Variants in SLC35G2 observed in about 807,000 individuals in gnomAD.
SLC35G2 encodes solute carrier family 35 member G2.
SLC35G2 carries 20 observed loss-of-function variants against 27.2 expected under a neutral mutation model. That is an observed-to-expected ratio of 0.74 (90% CI 0.52 to 1.07). SLC35G2 has a LOEUF of 1.07. Ranked by LOEUF, SLC35G2 falls within the 50% of genes least tolerant of loss-of-function variation. SLC35G2 has a pLI of 0.00. For missense variants in SLC35G2, 416 were observed against 493.3 expected, an observed-to-expected ratio of 0.84 and a Z score of 1.48; for synonymous variants, 148 against 165.3, an observed-to-expected ratio of 0.90 and a Z score of 0.80.
At chr3:136,849,860 T>G (rs1332004850) in intron 1 of SLC35G2, among the ~76,000 whole-genome samples, 6 of 151,434 alleles carry the variant, frequency 4.0e-5, no homozygotes, top group Non-Finnish European at 1.5e-5. Context: ...ATCCCAGCAC[T>G]TCGGGAAGCC....
intron 1 of SLC35G2, among the ~76,000 whole-genome samples, chr3:136,852,170 C>G (rs987865100): frequency 1.3e-5 from 2 of 152,070 alleles, no homozygotes. Context: ...TTTGACATGT[C>G]CTGGCAAAAG....
Position 136,838,847 on chromosome 3 carries a change from T to A in SLC35G2, c.-18-15596T>A, listed in dbSNP as rs1393041480. Reference sequence around the variant, plus strand: ...AAACTCAGCTGGGCTGCTCTGATGATCTCTCAAGAGTTAGGTAAATTACAA... The same window carrying A: ...AAACTCAGCTGGGCTGCTCTGATGAACTCTCAAGAGTTAGGTAAATTACAA... On this transcript the variant is annotated intron_variant, in intron 1 of 1. Coordinates refer to ENST00000446465, the MANE Select transcript of SLC35G2 (RefSeq NM_025246.3). 1.3e-5 allele frequency: 2 copies of A among 152,224 alleles called. 1 individual carries two copies. The highest frequency in any genetic ancestry group is 4.8e-5 in the African/African-American group (2 of 41,448). 9.4% of individuals were successfully genotyped at this position (152,224 alleles called of 1,614,324 possible). A position where few individuals can be genotyped will look rare whatever the true frequency, so the allele number is the denominator to read the frequency against.
At chr3:136,850,725 G>C (rs1224649578) in intron 1 of SLC35G2, among the ~76,000 whole-genome samples, 2 of 152,134 alleles carry the variant, frequency 1.3e-5, no homozygotes, top group Non-Finnish European at 2.9e-5. Flanking sequence ...TGGGCGTGGT[G>C]GCTCACGCCT....
At chr3:136,843,112 A>G (rs9871987) in intron 1 of SLC35G2, 101,892 of 150,870 alleles carry the variant, frequency 0.68, 34,716 homozygotes, top group East Asian at 0.87. Flanking sequence ...TCATGAGGTC[A>G]GGAGATCAAG....
intron 1 of SLC35G2, among the ~76,000 whole-genome samples, chr3:136,840,208 G>A (rs1259598669): frequency 6.6e-6 from 1 of 152,134 alleles, no homozygotes; most frequent in Non-Finnish European, 1.5e-5. Context: ...CCCAAAATAA[G>A]GGTTCTCTTG....
At position 136,855,059 on chromosome 3, in the gene SLC35G2, C is replaced by T. The variant is rs1239313079; in HGVS notation, c.599C>T (p.Ala200Val). 1.9e-6 allele frequency: 3 copies of T among 1,614,168 alleles called. No homozygotes were observed. Among genetic ancestry groups the T allele is most frequent in the Non-Finnish European group, 2.5e-6 (3 of 1,180,036 alleles). ...AGCAATGGGACCACTATGTGGAGAGCCACAACTACAGTCTTCAGTGCCATT... is the reference window on the plus strand; with the variant it reads ...AGCAATGGGACCACTATGTGGAGAGTCACAACTACAGTCTTCAGTGCCATT... ...PPSNGTTMWR[A>V]TTTVFSAILA... The change falls in exon 2 of 2, where the codon GCC becomes GTC. Residue 200 changes from alanine (A) to valine (V), a missense_variant. Coordinates refer to ENST00000446465, the MANE Select transcript of SLC35G2 (RefSeq NM_025246.3).
At chr3:136,836,141 CA>C (rs1936859647) in intron 1 of SLC35G2, among the ~76,000 whole-genome samples, 1 of 152,064 alleles carries the variant, frequency 6.6e-6, no homozygotes, top group Admixed American at 6.6e-5. Flanking sequence ...CACACCCACA[CA>C]CACACCCCTA....
Position 136,855,653 on chromosome 3 carries a change from T to C in SLC35G2, c.1193T>C (p.Leu398Ser). The change falls in exon 2 of 2, where the codon TTA becomes TCA. Residue 398 changes from leucine (L) to serine (S), a missense_variant. By Grantham distance (145) the Leu-to-Ser change is moderately radical. Coordinates refer to ENST00000446465, the MANE Select transcript of SLC35G2 (RefSeq NM_025246.3). ...LAGYKLYWRNLRKQDYQEILD... is the reference protein window; with the variant it reads ...LAGYKLYWRNSRKQDYQEILD... ...GGCTATAAACTTTACTGGAGGAATT[T>C]AAGAAAGCAGGACTACCAGGAAATA... 1 of 1,612,122 alleles carries C rather than the reference T, an allele frequency of 6.2e-7. No individual in the cohort carries two copies. The highest frequency in any genetic ancestry group is 8.5e-7 in the Non-Finnish European group (1 of 1,178,230).
At chr3:136,820,190 C>T (rs761691149) in intron 1 of SLC35G2, 5 of 152,308 alleles carry the variant, frequency 3.3e-5, no homozygotes, top group African/African-American at 4.8e-5. Context: ...CCCCCACGTC[C>T]AGAGTGCTGG....
chr3:136,854,668 G>C lies in SLC35G2; in HGVS notation c.208G>C (p.Gly70Arg). The change falls in exon 2 of 2, where the codon GGA becomes CGA. Residue 70 changes from glycine to arginine, a missense_variant. Physicochemically the swap from Gly to Arg is moderately radical, Grantham distance 125. Transcript: ENST00000446465. ...EMKKKGRAFFGTMDTLPPPTE... is the reference protein window; with the variant it reads ...EMKKKGRAFFRTMDTLPPPTE... ...GAAAAAAAAAGGGAGAGCTTTCTTT[G>C]GAACCATGGATACCCTACCTCCACC... is the stretch of plus-strand genomic sequence containing the variant. 2 of 1,614,058 alleles carry C rather than the reference G, an allele frequency of 1.2e-6. No individual in the cohort carries two copies. Among genetic ancestry groups the C allele is most frequent in the Non-Finnish European group, 8.5e-7 (1 of 1,180,004 alleles).
In SLC35G2 at chr3:136,854,547, T is replaced by A; in HGVS notation, c.87T>A (p.His29Gln). The change falls in exon 2 of 2, where the codon CAT becomes CAA. Residue 29 changes from histidine to glutamine, a missense_variant. Transcript: ENST00000446465. ...CAGTGATGGTGAAATATACTTCTCATTATCCCCAGCCTGGCGATGATGGAT... is the reference window on the plus strand; with the variant it reads ...CAGTGATGGTGAAATATACTTCTCAATATCCCCAGCCTGGCGATGATGGAT... ...PNTVMVKYTS[H>Q]YPQPGDDGYE... The A allele has an allele frequency of 6.2e-7, 1 of 1,610,952 alleles. No homozygotes were observed. Among genetic ancestry groups the A allele is most frequent in the East Asian group, 2.2e-5 (1 of 44,846 alleles).
At chr3:136,840,205 T>G (rs1293328081) in intron 1 of SLC35G2, among the ~76,000 whole-genome samples, 1 of 152,194 alleles carries the variant, frequency 6.6e-6, no homozygotes, top group Non-Finnish European at 1.5e-5. Flanking sequence ...CAACCCAAAA[T>G]AAGGGTTCTC....
chr3:136,823,744 C>A (rs537626691), intron 1 of SLC35G2, among the ~76,000 whole-genome samples: 1 of 147,362 alleles, frequency 6.8e-6, no homozygotes, highest in Non-Finnish European at 1.5e-5. Context: ...TACAGGCGCG[C>A]GCCACCACAC....
intron 1 of SLC35G2, among the ~76,000 whole-genome samples, chr3:136,847,871 G>T (rs1937460950): frequency 1.3e-5 from 2 of 152,074 alleles, no homozygotes; most frequent in Non-Finnish European, 2.9e-5. Flanking sequence ...CAAGTACTCA[G>T]GAGGCTGAGG....
intron 1 of SLC35G2, among the ~76,000 whole-genome samples, chr3:136,850,739 A>G (rs1174739785): frequency 6.6e-6 from 1 of 151,936 alleles, no homozygotes; most frequent in Non-Finnish European, 1.5e-5. Flanking sequence ...CACGCCTGTA[A>G]TCCCAGCATT....
intron 1 of SLC35G2, among the ~76,000 whole-genome samples, chr3:136,834,070 A>G (rs1160307856): frequency 1.3e-5 from 2 of 152,034 alleles, no homozygotes; most frequent in African/African-American, 2.4e-5. Context: ...TTATCACCAG[A>G]TTGCCTAAAT....
At chr3:136,850,397 T>A (rs1048053288) in intron 1 of SLC35G2, among the ~76,000 whole-genome samples, 20 of 152,108 alleles carry the variant, frequency 1.3e-4, no homozygotes, top group Non-Finnish European at 2.5e-4. Flanking sequence ...GTTTTTTTTT[T>A]AAACCTCTTA....
intron 1 of SLC35G2, among the ~76,000 whole-genome samples, chr3:136,834,861 C>A (rs574135270): frequency 6.6e-6 from 1 of 152,240 alleles, no homozygotes; most frequent in African/African-American, 2.4e-5. Context: ...TATAATACAA[C>A]AAACTCCTGG....
At chr3:136,836,396 T>C (rs1208780331) in intron 1 of SLC35G2, among the ~76,000 whole-genome samples, 1 of 107,340 alleles carries the variant, frequency 9.3e-6, no homozygotes, top group Non-Finnish European at 1.8e-5. Context: ...GCCCCAATTC[T>C]TCCTCAGATT....
Sources: allele counts gnomAD v4.1 joint callset (sites outside exome capture counted in the v4.1 genomes callset), GRCh38; gene constraint gnomAD v4.1.1; transcripts MANE v1.5; gene names NCBI Gene and HGNC (gene_info 2026-07-23, HGNC 2026-07-21).